Variants in FBXO25 observed in about 807,000 individuals in gnomAD.
The protein encoded by FBXO25 is F-box only protein 25.
FBXO25 carries 45 observed loss-of-function variants against 51.9 expected under a neutral mutation model. The observed-to-expected ratio is 0.87, with a 90% confidence interval of 0.68 to 1.11. The LOEUF (loss-of-function observed/expected upper bound fraction) is 1.11, where lower values mean the gene tolerates loss of function less well. Ranked by LOEUF, FBXO25 falls within the 50% of genes most tolerant of loss-of-function variation. The pLI, the probability that FBXO25 is intolerant of heterozygous loss-of-function variation, is 0.00. For missense variants in FBXO25, 507 were observed against 428.5 expected (o/e 1.18, Z -1.62); for synonymous variants, 199 against 151.0 (o/e 1.32, Z -2.33).
chr8:416,305 A>G (rs563639203), intron 2 of FBXO25, among the ~76,000 whole-genome samples: 13 of 152,252 alleles, frequency 8.5e-5, no homozygotes, highest in African/African-American at 2.9e-4. Context: ...CATCTTTTCA[A>G]AACAACCGGA....
At chr8:468,119 A>T (rs1800306274) in intron 9 of FBXO25, 4 of 1,053,028 alleles carry the variant, frequency 3.8e-6, no homozygotes, top group Admixed American at 5.2e-5. Flanking sequence ...GCCAGTCTTC[A>T]TCCACAAAAT....
chr8:468,677 G>A (rs572685833), intron 9 of FBXO25, 38 bp from the exon 10 acceptor site: 1 of 1,573,878 alleles, frequency 6.4e-7, no homozygotes, highest in South Asian at 1.1e-5. Flanking sequence ...GTGGCTGGTG[G>A]TGGGGCCCCC....
Position 474,142 on chromosome 8 carries a change from C to G in FBXO25, c.*5338C>G, listed in dbSNP as rs1041933419. On this transcript the variant is annotated 3_prime_UTR_variant, in exon 10 of 10. Transcript: ENST00000350302. ...CCCATCCACCAGCCCCTGGCAGCCT[C>G]TGTTCTCCTTTGTCTCTTTTAATTT... 6.5e-6 allele frequency: 1 copy of G among 154,606 alleles called. No individual in the cohort carries two copies. Among genetic ancestry groups the G allele is most frequent in the Admixed American group, 6.5e-5 (1 of 15,428 alleles). The allele number at this position is 154,606 out of a possible 1,614,324, so 9.6% of individuals were successfully genotyped here. A position where few individuals can be genotyped will look rare whatever the true frequency, so the allele number is the denominator to read the frequency against.
chr8:457,584 G>T (rs543599713), intron 7 of FBXO25, among the ~76,000 whole-genome samples: 2 of 152,302 alleles, frequency 1.3e-5, no homozygotes, highest in African/African-American at 4.8e-5. Context: ...TGTAGTGCAG[G>T]AGGAGTCCAT....
intron 5 of FBXO25, among the ~76,000 whole-genome samples, chr8:446,292 G>T (rs1585065523): frequency 6.6e-6 from 1 of 152,176 alleles, no homozygotes; most frequent in South Asian, 2.1e-4. Flanking sequence ...CCCTCTTATT[G>T]GTGAGAAACA....
intron 9 of FBXO25, chr8:467,785 G>A (rs372196730): frequency 2.5e-6 from 4 of 1,613,062 alleles, no homozygotes; most frequent in Non-Finnish European, 2.5e-6. Flanking sequence ...TGTTCGGGAT[G>A]AAAACGTTGC....
intron 2 of FBXO25, among the ~76,000 whole-genome samples, chr8:418,430 C>T (rs1181296237): frequency 1.4e-5 from 2 of 144,006 alleles, no homozygotes; most frequent in African/African-American, 5.2e-5. Flanking sequence ...ACCTGTGCCT[C>T]CTGGGTTCAA....
intron 9 of FBXO25, chr8:467,924 CGA>C (rs1334318225): frequency 6.2e-6 from 9 of 1,451,102 alleles, no homozygotes; most frequent in African/African-American, 2.8e-5. Context: ...TCAGCAAGGA[CGA>C]GAGTGTTGAT....
chr8:443,837 A>G (rs1798575634), intron 5 of FBXO25, among the ~76,000 whole-genome samples: 1 of 152,128 alleles, frequency 6.6e-6, no homozygotes, highest in African/African-American at 2.4e-5. Flanking sequence ...GTAAAAGACA[A>G]TAAACTTGAG....
At chr8:428,972 A>G (rs1797657603) in intron 2 of FBXO25, among the ~76,000 whole-genome samples, 1 of 152,144 alleles carries the variant, frequency 6.6e-6, no homozygotes, top group East Asian at 1.9e-4. Context: ...TTCCATGTTT[A>G]TCTGTTGCAA....
intron 2 of FBXO25, among the ~76,000 whole-genome samples, chr8:428,663 A>C (rs542067953): frequency 1.3e-5 from 2 of 152,066 alleles, no homozygotes; most frequent in Non-Finnish European, 2.9e-5. Context: ...CATCTTCCCA[A>C]ACTGAAACTC....
Position 473,211 on chromosome 8 carries a change from C to A in FBXO25, c.*4407C>A, listed in dbSNP as rs1338342758. The A allele has an allele frequency of 1.3e-5, 2 of 152,306 alleles. No homozygotes were observed. The highest frequency in any genetic ancestry group is 2.9e-5 in the Non-Finnish European group (2 of 68,116). The allele number at this position is 152,306 out of a possible 1,614,324, so 9.4% of individuals were successfully genotyped here. A position where few individuals can be genotyped will look rare whatever the true frequency, so the allele number is the denominator to read the frequency against. ...TTTGGAAAGCAGTGTCCCCCCGCGTCCCATGGGCTAAATGCCACTGAGCCG... is the reference window on the plus strand; with the variant it reads ...TTTGGAAAGCAGTGTCCCCCCGCGTACCATGGGCTAAATGCCACTGAGCCG... On this transcript the variant is annotated 3_prime_UTR_variant, in exon 10 of 10. Transcript: ENST00000350302.
At chr8:456,786 G>A (rs900796462) in intron 7 of FBXO25, among the ~76,000 whole-genome samples, 5 of 152,196 alleles carry the variant, frequency 3.3e-5, no homozygotes, top group African/African-American at 4.8e-5. Flanking sequence ...CCATGCTCGT[G>A]CTGCCCACTG....
In FBXO25 at chr8:475,221, T is replaced by C; in HGVS notation, c.*6417T>C. 3.5e-6 allele frequency: 1 copy of C among 287,562 alleles called. No homozygotes were observed. The highest frequency in any genetic ancestry group is 3.5e-5 in the South Asian group (1 of 28,872). The allele number at this position is 287,562 out of a possible 1,614,324, so 17.8% of individuals were successfully genotyped here. On this transcript the variant is annotated 3_prime_UTR_variant, in exon 10 of 10. Transcript: ENST00000350302. ...AGACTGTCCTTTCTCCCTTGAATGGTCTTGGCACCATCAAAAATCATTTGA... is the reference window on the plus strand; with the variant it reads ...AGACTGTCCTTTCTCCCTTGAATGGCCTTGGCACCATCAAAAATCATTTGA...
rs547922078 is a variant in FBXO25 at position 442,095 on chromosome 8, T to G, written c.381+6388T>G. 3.2e-3 allele frequency among the ~76,000 whole-genome samples: 484 copies of G among 152,296 alleles called. 3 individuals carry two copies. The highest frequency in any genetic ancestry group is 0.01 in the Middle Eastern group (3 of 294). ...TCATATTGCTAATCAGGCTTTTGTT[T>G]GCTCTGGTGAGTGTTGTTTTAAGCA... On this transcript the variant is annotated intron_variant, in intron 5 of 9. Coordinates refer to ENST00000350302, the MANE Select transcript of FBXO25 (RefSeq NM_183420.2).
chr8:459,012 G>A (rs1799635976), intron 8 of FBXO25, among the ~76,000 whole-genome samples: 1 of 152,140 alleles, frequency 6.6e-6, no homozygotes, highest in Non-Finnish European at 1.5e-5. Context: ...GCTGCACTTG[G>A]GAGTGCACGT....
rs1458812554 is a variant in FBXO25 at position 469,890 on chromosome 8, A to T, written c.*1086A>T. On this transcript the variant is annotated 3_prime_UTR_variant, in exon 10 of 10. Coordinates refer to ENST00000350302, the MANE Select transcript of FBXO25 (RefSeq NM_183420.2). ...TGGCGTTATAAATAGGACTAAAAAA[A>T]GATTCTGGATTTTTCAGCCCCACTT... is the stretch of plus-strand genomic sequence containing the variant. 1 of 151,972 alleles carries T rather than the reference A, an allele frequency of 6.6e-6. No individual in the cohort carries two copies. The highest frequency in any genetic ancestry group is 2.4e-5 in the African/African-American group (1 of 41,450). The allele number at this position is 151,972 out of a possible 1,614,324, so 9.4% of individuals were successfully genotyped here. A position where few individuals can be genotyped will look rare whatever the true frequency, so the allele number is the denominator to read the frequency against.
chr8:434,324 A>G (rs1357581698), intron 4 of FBXO25, among the ~76,000 whole-genome samples: 1 of 152,132 alleles, frequency 6.6e-6, no homozygotes, highest in African/African-American at 2.4e-5. Context: ...CTGTTGTAAG[A>G]TGGGTGGTGA....
rs576948497 is a variant in FBXO25 at position 419,957 on chromosome 8, G to A, written c.134+6744G>A. On this transcript the variant is annotated intron_variant, in intron 2 of 9. Coordinates refer to ENST00000350302, the MANE Select transcript of FBXO25 (RefSeq NM_183420.2). ...CAGTAAAAAATTGGGCAATAGTTTC[G>A]GTGAACCTGTACTTCACCAAACAAC... Among the ~76,000 whole-genome samples the A allele has an allele frequency of 4.6e-5, 7 of 152,152 alleles. No homozygotes were observed. The South Asian group carries it at 6.2e-4, about 14-fold the overall frequency.
Sources: gnomAD v4.1 joint callset for allele counts (sites outside exome capture counted in the v4.1 genomes callset) on GRCh38, gnomAD v4.1.1 for gene constraint, MANE v1.5 for transcripts, NCBI Gene and HGNC (gene_info 2026-07-23, HGNC 2026-07-21) for gene names.